PDE11A: variants seen among roughly 807,000 people sequenced by gnomAD.
PDE11A encodes the protein phosphodiesterase 11A.
PDE11A carries 100 observed loss-of-function variants against 100.5 expected under a neutral mutation model. The ratio of observed to expected loss-of-function variants is 1.00; its 90% CI spans 0.85 to 1.18. The LOEUF is 1.18. PDE11A is among the 50% of genes most tolerant of loss of function. The pLI is 0.00. For synonymous variants in PDE11A, 381 were observed against 420.8 expected (o/e 0.91, Z 1.16); for missense variants, 1,141 against 1,152.6 (o/e 0.99, Z 0.15).
At chr2:177,817,088 A>G (rs555577390) in intron 8 of PDE11A, among the ~76,000 whole-genome samples, 167 bp from the exon 9 acceptor site, 1 of 152,128 alleles carries the variant, frequency 6.6e-6, no homozygotes, top group South Asian at 2.1e-4. Flanking sequence ...CTATTGTTAT[A>G]TAACAACTTT....
intron 2 of PDE11A, among the ~76,000 whole-genome samples, chr2:177,910,926 ATC>A (rs1475862344): frequency 6.6e-6 from 1 of 152,196 alleles, no homozygotes; most frequent in Non-Finnish European, 1.5e-5. Flanking sequence ...ACACTGGAGA[ATC>A]TTAGTGAAGG....
chr2:177,735,353 G>A (rs1046313770), intron 10 of PDE11A, among the ~76,000 whole-genome samples: 2 of 151,968 alleles, frequency 1.3e-5, no homozygotes, highest in Admixed American at 6.6e-5. Context: ...CTCCATTCCT[G>A]AGATGCTCAT....
chr2:177,941,329 T>C (rs1235167823), intron 2 of PDE11A, among the ~76,000 whole-genome samples: 1 of 152,132 alleles, frequency 6.6e-6, no homozygotes, highest in African/African-American at 2.4e-5. Context: ...TGAGGACCCC[T>C]TTATCAGTTA....
chr2:177,678,494 C>A (rs2080813086), intron 16 of PDE11A, among the ~76,000 whole-genome samples: 1 of 152,180 alleles, frequency 6.6e-6, no homozygotes, highest in Admixed American at 6.5e-5. Flanking sequence ...CAATAAAAGA[C>A]ATTTCTTAGG....
chr2:177,905,980 C>A (rs1167982141), intron 2 of PDE11A, among the ~76,000 whole-genome samples: 2 of 152,136 alleles, frequency 1.3e-5, no homozygotes, highest in Non-Finnish European at 2.9e-5. Context: ...CTTGCACTCT[C>A]AAGAAATTCA....
intron 12 of PDE11A, among the ~76,000 whole-genome samples, chr2:177,722,176 G>A (rs571135127): frequency 2.6e-5 from 4 of 152,230 alleles, no homozygotes; most frequent in African/African-American, 7.2e-5. Flanking sequence ...CCCCAGCCTC[G>A]AAACCACATA....
At chr2:177,821,889 C>T (rs1011870388) in intron 6 of PDE11A, among the ~76,000 whole-genome samples, 3 of 151,890 alleles carry the variant, frequency 2.0e-5, no homozygotes, top group Non-Finnish European at 4.4e-5. Context: ...TTTCTACTCT[C>T]TTCCATGAAG....
chr2:177,683,444 G>A (rs947583339), intron 15 of PDE11A: 24 of 152,216 alleles, frequency 1.6e-4, no homozygotes, highest in African/African-American at 5.3e-4. Flanking sequence ...CAATGGTCGT[G>A]CCTTTTTCAT....
intron 19 of PDE11A, among the ~76,000 whole-genome samples, chr2:177,644,699 A>G (rs1372338948): frequency 6.6e-6 from 1 of 152,152 alleles, no homozygotes; most frequent in East Asian, 1.9e-4. Flanking sequence ...CAGTGGTGGA[A>G]TGATACAGTT....
intron 9 of PDE11A, among the ~76,000 whole-genome samples, chr2:177,777,035 A>G: frequency 6.6e-6 from 1 of 152,054 alleles, no homozygotes; most frequent in East Asian, 1.9e-4. Context: ...CATGTGAAGG[A>G]CATGTTTGCT....
At chr2:177,651,974 T>C (rs1018524458) in intron 19 of PDE11A, among the ~76,000 whole-genome samples, 10 of 152,204 alleles carry the variant, frequency 6.6e-5, no homozygotes, top group Admixed American at 6.5e-4. Flanking sequence ...GATAGGTTAT[T>C]TCAGGGCATC....
chr2:177,668,191 G>A (rs998456760), intron 18 of PDE11A, among the ~76,000 whole-genome samples: 2 of 152,040 alleles, frequency 1.3e-5, no homozygotes, highest in Non-Finnish European at 2.9e-5. Context: ...TTAGTGCTGC[G>A]CTACTGCACC....
At chr2:177,835,599 C>T (rs1481190724) in intron 6 of PDE11A, among the ~76,000 whole-genome samples, 3 of 152,226 alleles carry the variant, frequency 2.0e-5, no homozygotes, top group Non-Finnish European at 4.4e-5. Context: ...CAGCCTGCTG[C>T]TGCACTGTGG....
intron 17 of PDE11A, 77 bp downstream of exon 17, chr2:177,675,378 G>T (rs2080754665): frequency 6.8e-6 from 7 of 1,035,392 alleles, no homozygotes; most frequent in African/African-American, 1.6e-5. Context: ...CTGGTAGTCA[G>T]GGCTCTGGGA....
intron 6 of PDE11A, among the ~76,000 whole-genome samples, chr2:177,832,825 A>T (rs2083333800): frequency 6.6e-6 from 1 of 152,124 alleles, no homozygotes; most frequent in African/African-American, 2.4e-5. Flanking sequence ...TCCAAGCGCT[A>T]GCAGGCCACT....
At position 178,072,500 on chromosome 2, in the gene PDE11A, TCTA is replaced by T; in HGVS notation, c.-66_-64del. 6.2e-7 allele frequency: 1 copy of T among 1,601,020 alleles called. No homozygotes were observed. The highest frequency in any genetic ancestry group is 2.2e-5 in the East Asian group (1 of 44,590). On this transcript the variant is annotated 5_prime_UTR_variant, in exon 1 of 20. It removes the in-frame stop codon of an upstream open reading frame in the 5' UTR. Transcript: ENST00000286063. ...CCAAATGTTTTCCTGCCCCGAGGCC[TCTA>T]GCTGTTCCTGCACATGTTCACCCCC...
chr2:177,959,234 T>C (rs1050170039), intron 2 of PDE11A, among the ~76,000 whole-genome samples: 2 of 152,124 alleles, frequency 1.3e-5, no homozygotes, highest in African/African-American at 4.8e-5. Context: ...AAAATCCCTA[T>C]GGCTGGAGAG....
At chr2:177,987,025 C>T (rs1460148145) in intron 2 of PDE11A, among the ~76,000 whole-genome samples, 1 of 152,094 alleles carries the variant, frequency 6.6e-6, no homozygotes, top group East Asian at 1.9e-4. Context: ...GCAACTACAT[C>T]CTTCAATGTG....
intron 10 of PDE11A, among the ~76,000 whole-genome samples, chr2:177,758,026 C>A (rs1451948065): frequency 6.6e-6 from 1 of 151,850 alleles, no homozygotes; most frequent in Non-Finnish European, 1.5e-5. Flanking sequence ...CGGTGGCTCA[C>A]TCCTGTAATC....
Sources: allele counts gnomAD v4.1 joint callset (sites outside exome capture counted in the v4.1 genomes callset), GRCh38; gene constraint gnomAD v4.1.1; transcripts MANE v1.5; gene names NCBI Gene and HGNC (gene_info 2026-07-23, HGNC 2026-07-21).